The following FAM177A1 variants were observed in gnomAD, a reference collection of about 807,000 sequenced individuals.
The protein encoded by FAM177A1 is protein FAM177A1.
In FAM177A1, 22 loss-of-function variants were observed where a neutral mutation model predicts 26.1. The ratio of observed to expected loss-of-function variants is 0.84; its 90% CI spans 0.60 to 1.20. The LOEUF is 1.20. Among genes scored for constraint, FAM177A1 ranks in the 50% most tolerant of loss-of-function variants. The probability of loss-of-function intolerance (pLI) is 0.00; values close to 1 mark genes in which losing one functional copy is unlikely to be tolerated. For missense variants in FAM177A1, 296 were observed against 291.1 expected (o/e 1.02, Z -0.12); for synonymous variants, 95 against 99.3 (o/e 0.96, Z 0.26).
intron 2 of FAM177A1, among the ~76,000 whole-genome samples, chr14:35,074,437 T>C (rs985262201): frequency 2.6e-5 from 4 of 152,164 alleles, no homozygotes; most frequent in Admixed American, 2.6e-4. Context: ...GCGATTCTCC[T>C]GTCTCAGCTT....
chr14:35,081,021 G>GGAAGAA lies in FAM177A1; in HGVS notation c.520_525dup (p.Glu174_Glu175dup), dbSNP rs756991070. 3 of 1,589,164 alleles carry GGAAGAA rather than the reference G, an allele frequency of 1.9e-6. No individual in the cohort carries two copies. Among genetic ancestry groups the GGAAGAA allele is most frequent in the East Asian group, 2.3e-5 (1 of 44,218 alleles). ...TTCTTGATATTGCTCCTTTTTTTTA[G>GGAAGAA]GAAGAAGAAGAAGAAGAAGAAAACA... On this transcript the variant is annotated inframe_insertion and splice_region_variant. Transcript: ENST00000280987.
At chr14:35,056,696 G>A (rs2045066919) in intron 2 of FAM177A1, among the ~76,000 whole-genome samples, 1 of 152,072 alleles carries the variant, frequency 6.6e-6, no homozygotes, top group Non-Finnish European at 1.5e-5. Context: ...CAGCTGTGAA[G>A]CCTCCTTGGC....
intron 2 of FAM177A1, among the ~76,000 whole-genome samples, chr14:35,055,414 C>T (rs2045045403): frequency 6.7e-6 from 1 of 149,820 alleles, no homozygotes; most frequent in African/African-American, 2.4e-5. Context: ...ATAACTAGGA[C>T]TAGAATTGCT....
At position 35,079,021 on chromosome 14, in the gene FAM177A1, G is replaced by C; in HGVS notation, c.501G>C (p.Lys167Asn). The C allele has an allele frequency of 6.4e-7, 1 of 1,553,788 alleles. No individual in the cohort carries two copies. Among genetic ancestry groups the C allele is most frequent in the African/African-American group, 1.4e-5 (1 of 70,728 alleles). ...TTGATGAATATTATCGGATGAAGAA[G>C]GAGGTATGCCTCCTTTTTACATTTT... ...YAIDEYYRMK[K>N]EEEEEEEENR... The change falls in exon 4 of 5, where the codon AAG (lysine) becomes AAC (asparagine). Residue 167 changes from lysine to asparagine, a missense_variant. Physicochemically the swap from Lys to Asn is moderately conservative, Grantham distance 94. Transcript: ENST00000280987.
chr14:35,045,838 TA>T (rs1166138352), upstream of FAM177A1: 1 of 152,232 alleles, frequency 6.6e-6, no homozygotes, highest in African/African-American at 2.4e-5. Context: ...TCTTTTCACT[TA>T]ACACTTTCTA....
intron 2 of FAM177A1, among the ~76,000 whole-genome samples, chr14:35,076,313 A>T (rs1595057494): frequency 6.6e-6 from 1 of 152,126 alleles, no homozygotes; most frequent in African/African-American, 2.4e-5. Context: ...GAAGCTGGAA[A>T]CCATCATTCT....
In FAM177A1 at chr14:35,048,517, G is replaced by T. The variant is rs143295056; in HGVS notation, c.165+1889G>T. 4.4e-3 allele frequency among the ~76,000 whole-genome samples: 662 copies of T among 150,716 alleles called. 9 individuals carry two copies. The highest frequency in any genetic ancestry group is 0.015 in the African/African-American group (622 of 41,238). On this transcript the variant is annotated intron_variant, in intron 1 of 4. Coordinates refer to ENST00000280987, the MANE Select transcript of FAM177A1 (RefSeq NM_173607.5). ...CCAAAGGTAACTATTAAGTTTTGGT[G>T]TAGTCTCTCTGGAATTTTATCATTC...
At chr14:35,051,425 A>AT (rs1167534798) in intron 1 of FAM177A1, among the ~76,000 whole-genome samples, 3 of 149,184 alleles carry the variant, frequency 2.0e-5, no homozygotes, top group Admixed American at 6.7e-5. Flanking sequence ...CCTTATTTTT[A>AT]TTTTTTTGAG....
intron 2 of FAM177A1, among the ~76,000 whole-genome samples, chr14:35,055,408 C>T (rs1245586721): frequency 6.7e-6 from 1 of 149,596 alleles, no homozygotes. Context: ...GGGTACATAA[C>T]TAGGACTAGA....
At chr14:35,061,519 C>CTTT (rs199992810) in intron 2 of FAM177A1, among the ~76,000 whole-genome samples, 2 of 89,372 alleles carry the variant, frequency 2.2e-5, no homozygotes, top group Non-Finnish European at 4.3e-5. Context: ...TTTCTCATTT[C>CTTT]TTTTTTTTTT....
In FAM177A1 at chr14:35,077,220, T is replaced by C; in HGVS notation, c.406+4T>C. 6.2e-7 allele frequency: 1 copy of C among 1,613,366 alleles called. No homozygotes were observed. Among genetic ancestry groups the C allele is most frequent in the Non-Finnish European group, 8.5e-7 (1 of 1,179,444 alleles). On this transcript the variant is annotated splice_donor_region_variant and intron_variant, in intron 3 of 4. Transcript: ENST00000280987. ...GCTGCTACATCAACTCTCTCAGGTA[T>C]TGCTTTTCTGCTTGAATATTGTATA...
At chr14:35,066,773 A>G (rs1157654286) in intron 2 of FAM177A1, among the ~76,000 whole-genome samples, 2 of 151,562 alleles carry the variant, frequency 1.3e-5, no homozygotes, top group Non-Finnish European at 2.9e-5. Context: ...AATGGAATGT[A>G]TACATAATAG....
intron 1 of FAM177A1, chr14:35,050,910 GA>G (rs1479387878): frequency 1.3e-5 from 2 of 152,182 alleles, no homozygotes; most frequent in Non-Finnish European, 1.5e-5. Flanking sequence ...AGTGCCTGGG[GA>G]TTGGTGGGGC....
At chr14:35,073,619 A>C (rs2045354710) in intron 2 of FAM177A1, among the ~76,000 whole-genome samples, 1 of 152,226 alleles carries the variant, frequency 6.6e-6, no homozygotes, top group South Asian at 2.1e-4. Context: ...GGGACAAAGC[A>C]TTGATGGAAC....
intron 1 of FAM177A1, 114 bp downstream of exon 1, chr14:35,046,742 G>T: frequency 7.1e-7 from 1 of 1,417,208 alleles, no homozygotes; most frequent in Admixed American, 2.9e-5. Context: ...CCCCAGCTTT[G>T]GAGTTCCTCC....
chr14:35,075,021 A>G (rs1019498876), intron 2 of FAM177A1, among the ~76,000 whole-genome samples: 4 of 152,158 alleles, frequency 2.6e-5, no homozygotes, highest in African/African-American at 9.7e-5. Flanking sequence ...TGGGTGACAG[A>G]GTGAGACTCT....
intron 2 of FAM177A1, among the ~76,000 whole-genome samples, chr14:35,065,228 C>T (rs561393473): frequency 7.3e-5 from 11 of 151,206 alleles, no homozygotes; most frequent in African/African-American, 7.3e-5. Context: ...GGCTGGAGTG[C>T]GGTGGTGCGA....
chr14:35,065,906 G>A (rs1392207587), intron 2 of FAM177A1, among the ~76,000 whole-genome samples: 1 of 151,850 alleles, frequency 6.6e-6, no homozygotes, highest in Non-Finnish European at 1.5e-5. Context: ...TGGCCAGACT[G>A]GTCAACAGGA....
At chr14:35,072,371 A>T (rs1405296738) in intron 2 of FAM177A1, among the ~76,000 whole-genome samples, 1 of 152,178 alleles carries the variant, frequency 6.6e-6, no homozygotes. Flanking sequence ...CATCATCATA[A>T]GTCTTCTTCC....
Sources: allele counts gnomAD v4.1 joint callset (sites outside exome capture counted in the v4.1 genomes callset), GRCh38; gene constraint gnomAD v4.1.1; transcripts MANE v1.5; gene names NCBI Gene and HGNC (gene_info 2026-07-23, HGNC 2026-07-21).